NCKAP5: variants seen among roughly 807,000 people sequenced by gnomAD.
The protein encoded by NCKAP5 is nck-associated protein 5.
A neutral mutation model predicts 167.0 loss-of-function variants in NCKAP5; 92 were observed. The ratio of observed to expected loss-of-function variants is 0.55; its 90% CI spans 0.47 to 0.66. The LOEUF is 0.66. NCKAP5 is among the 30% of genes least tolerant of loss of function. The probability of loss-of-function intolerance (pLI) is 0.00; values close to 1 mark genes in which losing one functional copy is unlikely to be tolerated. For missense variants in NCKAP5, 2,378 were observed against 2,315.0 expected, an observed-to-expected ratio of 1.03 and a Z score of -0.56; for synonymous variants, 891 against 877.4, an observed-to-expected ratio of 1.02 and a Z score of -0.27.
At chr2:133,360,691 G>C (rs556762983) in intron 3 of NCKAP5, among the ~76,000 whole-genome samples, 1 of 152,226 alleles carries the variant, frequency 6.6e-6, no homozygotes, top group African/African-American at 2.4e-5. Context: ...AAAAGTGTCA[G>C]AGCAGGTGAT....
chr2:132,961,852 AATATC>A (rs2076520262), intron 8 of NCKAP5, among the ~76,000 whole-genome samples: 1 of 152,240 alleles, frequency 6.6e-6, no homozygotes, highest in Admixed American at 6.5e-5. Flanking sequence ...AAGAAATGAT[AATATC>A]AGCTCTTTCC....
At chr2:132,924,802 C>A (rs2320319) in intron 8 of NCKAP5, among the ~76,000 whole-genome samples, 2,160 of 152,074 alleles carry the variant, frequency 0.014, 37 homozygotes, top group African/African-American at 0.049. Context: ...CATTCAATAA[C>A]ATGAGACCTA....
At chr2:133,187,461 G>A (rs766464820) in intron 5 of NCKAP5, among the ~76,000 whole-genome samples, 1 of 152,028 alleles carries the variant, frequency 6.6e-6, no homozygotes, top group Admixed American at 6.6e-5. Context: ...AAGCTATAGT[G>A]GGAAGATCCC....
intron 5 of NCKAP5, among the ~76,000 whole-genome samples, chr2:133,132,974 C>T (rs950325507): frequency 6.6e-6 from 1 of 152,128 alleles, no homozygotes; most frequent in South Asian, 2.1e-4. Flanking sequence ...CCACGCCCAG[C>T]CTGTACCCAA....
chr2:133,009,835 C>T (rs534674139), intron 6 of NCKAP5, among the ~76,000 whole-genome samples: 13 of 151,876 alleles, frequency 8.6e-5, no homozygotes, highest in Admixed American at 2.6e-4. Flanking sequence ...TTTGGGAGGC[C>T]GAGGTGGGTG....
At chr2:133,128,218 A>G (rs111257158) in intron 6 of NCKAP5, among the ~76,000 whole-genome samples, 49 of 152,366 alleles carry the variant, frequency 3.2e-4, no homozygotes, top group Middle Eastern at 3.4e-3. Flanking sequence ...GTTAAAGACA[A>G]GACCCACACA....
chr2:132,753,857 C>T (rs1680312711), intron 16 of NCKAP5, among the ~76,000 whole-genome samples: 1 of 152,206 alleles, frequency 6.6e-6, no homozygotes, highest in Admixed American at 6.5e-5. Flanking sequence ...ACTACTTGAG[C>T]ATGTCCAACT....
At chr2:132,704,349 C>T (rs543606580) in intron 19 of NCKAP5, among the ~76,000 whole-genome samples, 2 of 152,296 alleles carry the variant, frequency 1.3e-5, no homozygotes, top group South Asian at 2.1e-4. Context: ...CGATTGAACT[C>T]CTGGTCATTC....
chr2:132,772,377 T>G (rs1406478043), intron 16 of NCKAP5, among the ~76,000 whole-genome samples: 2 of 152,230 alleles, frequency 1.3e-5, no homozygotes, highest in African/African-American at 2.4e-5. Flanking sequence ...ACAGCCAACA[T>G]GTGGCTGGTG....
At chr2:133,141,823 G>C (rs1203641489) in intron 5 of NCKAP5, among the ~76,000 whole-genome samples, 2 of 152,126 alleles carry the variant, frequency 1.3e-5, no homozygotes, top group East Asian at 3.9e-4. Flanking sequence ...GATTATATGA[G>C]AAACCTAAAA....
chr2:132,899,129 A>T (rs544555179), intron 8 of NCKAP5, among the ~76,000 whole-genome samples: 35 of 152,340 alleles, frequency 2.3e-4, no homozygotes, highest in South Asian at 6.2e-4. Flanking sequence ...TAGATCTTCT[A>T]AATAACTTGT....
chr2:132,971,429 G>A (rs1459952470), intron 7 of NCKAP5, among the ~76,000 whole-genome samples: 1 of 152,142 alleles, frequency 6.6e-6, no homozygotes, highest in African/African-American at 2.4e-5. Flanking sequence ...AAGGAGTTTT[G>A]TCTTTACCCT....
intron 3 of NCKAP5, among the ~76,000 whole-genome samples, chr2:133,306,969 A>T (rs186877133): frequency 4.1e-4 from 62 of 152,320 alleles, no homozygotes; most frequent in African/African-American, 1.4e-3. Flanking sequence ...ATAAACACCC[A>T]TATCCACATA....
intron 16 of NCKAP5, among the ~76,000 whole-genome samples, chr2:132,753,340 AAG>A (rs1267238683): frequency 6.6e-6 from 1 of 152,206 alleles, no homozygotes; most frequent in African/African-American, 2.4e-5. Context: ...CTCAAGCTTG[AAG>A]AGACATTATT....
chr2:132,768,261 G>A (rs1361180786), intron 16 of NCKAP5, among the ~76,000 whole-genome samples: 1 of 152,022 alleles, frequency 6.6e-6, no homozygotes, highest in East Asian at 1.9e-4. Context: ...CAAATTCCTC[G>A]AAGGACATTT....
the NCKAP5 span, among the ~76,000 whole-genome samples, chr2:133,632,362 A>G: frequency 6.6e-6 from 1 of 152,266 alleles, no homozygotes; most frequent in African/African-American, 2.4e-5. Context: ...TTAGAAAAGA[A>G]AAAGCCCCAA....
chr2:133,119,296 G>T (rs1243268274), intron 6 of NCKAP5, among the ~76,000 whole-genome samples: 1 of 152,118 alleles, frequency 6.6e-6, no homozygotes, highest in African/African-American at 2.4e-5. Context: ...GAGCCACCAT[G>T]CCTGGCCCAG....
intron 9 of NCKAP5, among the ~76,000 whole-genome samples, chr2:132,877,452 C>T (rs1016230825): frequency 5.3e-5 from 8 of 152,272 alleles, no homozygotes; most frequent in Non-Finnish European, 1.2e-4. Context: ...CTATCAAGTG[C>T]GCCAGCATCA....
At chr2:132,886,891 T>G (rs1002937653) in intron 8 of NCKAP5, among the ~76,000 whole-genome samples, 2 of 152,180 alleles carry the variant, frequency 1.3e-5, no homozygotes, top group Non-Finnish European at 2.9e-5. Context: ...GTCTTTTAGA[T>G]TTTGGATTTT....
Sources: allele counts gnomAD v4.1 joint callset (sites outside exome capture counted in the v4.1 genomes callset), GRCh38; gene constraint gnomAD v4.1.1; transcripts MANE v1.5; gene names NCBI Gene and HGNC (gene_info 2026-07-23, HGNC 2026-07-21).